The following CSMD1 variants were observed in gnomAD, a reference collection of about 807,000 sequenced individuals.
CSMD1 encodes the protein CUB and Sushi multiple domains 1, also known as CUB and sushi domain-containing protein 1.
A neutral mutation model predicts 417.5 loss-of-function variants in CSMD1; 213 were observed. That is an observed-to-expected ratio of 0.51 (90% confidence interval 0.46 to 0.57). The LOEUF is 0.57. CSMD1 is among the 20% of genes least tolerant of loss of function. The pLI is 0.00. For synonymous variants in CSMD1, 2,862 were observed against 1,736.8 expected, an observed-to-expected ratio of 1.65 and a Z score of -16.11; for missense variants, 6,923 against 4,529.7, an observed-to-expected ratio of 1.53 and a Z score of -15.17.
chr8:4,320,883 A>G (rs1265341668), intron 3 of CSMD1, among the ~76,000 whole-genome samples: 7 of 152,008 alleles, frequency 4.6e-5, no homozygotes, highest in Non-Finnish European at 7.4e-5. Context: ...AAACACACTT[A>G]TGTTTGTTTT....
intron 3 of CSMD1, 84 bp from the exon 4 acceptor site, chr8:4,032,183 T>C: frequency 1.4e-5 from 13 of 957,996 alleles, no homozygotes; most frequent in Non-Finnish European, 2.0e-5. Context: ...GACACCATTT[T>C]TGAATTATTA....
chr8:4,071,674 G>A (rs369373864), intron 3 of CSMD1, among the ~76,000 whole-genome samples: 5 of 152,066 alleles, frequency 3.3e-5, no homozygotes, highest in East Asian at 1.9e-4. Flanking sequence ...GTTGTTTCTG[G>A]AATTGTGAAT....
chr8:4,959,946 C>G (rs1255900253), intron 1 of CSMD1, among the ~76,000 whole-genome samples: 1 of 152,166 alleles, frequency 6.6e-6, no homozygotes, highest in Non-Finnish European at 1.5e-5. Flanking sequence ...ATAACACTTA[C>G]TCTCCTTAAA....
At chr8:4,277,972 A>G (rs901870766) in intron 3 of CSMD1, among the ~76,000 whole-genome samples, 4 of 151,420 alleles carry the variant, frequency 2.6e-5, no homozygotes, top group African/African-American at 4.9e-5. Flanking sequence ...CTGGTCTTGA[A>G]CTCCTAACCT....
chr8:3,752,943 G>A (rs192168936), intron 6 of CSMD1, among the ~76,000 whole-genome samples: 2 of 152,270 alleles, frequency 1.3e-5, no homozygotes, highest in Admixed American at 1.3e-4. Context: ...AGACCAGTTT[G>A]TTGAAAAATT....
At chr8:4,003,337 G>A (rs1182632455) in intron 4 of CSMD1, among the ~76,000 whole-genome samples, 3 of 152,054 alleles carry the variant, frequency 2.0e-5, no homozygotes, top group Non-Finnish European at 4.4e-5. Context: ...AGCTTGCAGT[G>A]AGCAGAGATT....
rs1387408933 is a variant in CSMD1, at chr8:3,884,107, G to C, written c.818+113796C>G. The stretch of plus-strand genomic sequence containing the variant: ...ATAAAGGTAAACAGCGAATTGAAAA[G>C]TAATTAACAATGTCAGTTTCGAATT... On this transcript the variant is annotated intron_variant, in intron 5 of 69. Coordinates refer to ENST00000635120, the MANE Select transcript of CSMD1 (RefSeq NM_033225.6). Among the ~76,000 whole-genome samples the C allele has an allele frequency of 3.3e-5, 5 of 152,226 alleles. No homozygotes were observed. In the East Asian group the frequency reaches 9.6e-4, roughly 29 times the overall value.
At chr8:4,217,192 C>A (rs942089457) in intron 3 of CSMD1, among the ~76,000 whole-genome samples, 1 of 152,114 alleles carries the variant, frequency 6.6e-6, no homozygotes, top group African/African-American at 2.4e-5. Flanking sequence ...GCTTATCATG[C>A]AAAGTTATAG....
chr8:3,352,003 T>G (rs1452953291), intron 21 of CSMD1, among the ~76,000 whole-genome samples: 1 of 152,170 alleles, frequency 6.6e-6, no homozygotes, highest in African/African-American at 2.4e-5. Context: ...TCACCTTTTT[T>G]TTCGGATTTT....
intron 49 of CSMD1, among the ~76,000 whole-genome samples, chr8:3,068,646 G>A (rs116966888): frequency 6.6e-6 from 1 of 152,238 alleles, no homozygotes; most frequent in African/African-American, 2.4e-5. Context: ...TTTCAAACAT[G>A]GCAGAAGGCC....
At chr8:3,338,960 T>C (rs1807460488) in intron 23 of CSMD1, among the ~76,000 whole-genome samples, 3 of 151,118 alleles carry the variant, frequency 2.0e-5, no homozygotes, top group Non-Finnish European at 3.0e-5. Context: ...GCATTACGTA[T>C]ATCTCCCGAT....
intron 3 of CSMD1, among the ~76,000 whole-genome samples, chr8:4,128,363 T>C (rs17069064): frequency 0.022 from 3,361 of 152,290 alleles, 132 homozygotes; most frequent in African/African-American, 0.075. Flanking sequence ...TAAAAACTTA[T>C]GTGGATGGTA....
chr8:3,402,452 G>A (rs571767019), intron 15 of CSMD1, among the ~76,000 whole-genome samples: 14 of 152,188 alleles, frequency 9.2e-5, no homozygotes, highest in South Asian at 4.1e-4. Flanking sequence ...TGATGCCACT[G>A]AGCTGCATTG....
intron 2 of CSMD1, among the ~76,000 whole-genome samples, chr8:4,512,931 T>C (rs1802905358): frequency 1.3e-5 from 2 of 152,096 alleles, no homozygotes; most frequent in South Asian, 4.1e-4. Context: ...TGATTCCAAC[T>C]GTGTAATATT....
At chr8:3,557,665 C>T (rs534432504) in intron 10 of CSMD1, among the ~76,000 whole-genome samples, 2 of 152,262 alleles carry the variant, frequency 1.3e-5, no homozygotes, top group Non-Finnish European at 2.9e-5. Flanking sequence ...ATGCTTGGAG[C>T]ATGGAGATAA....
chr8:4,915,960 A>T (rs909349105), intron 1 of CSMD1, among the ~76,000 whole-genome samples: 1 of 152,202 alleles, frequency 6.6e-6, no homozygotes, highest in African/African-American at 2.4e-5. Context: ...CCACAGGAAC[A>T]TCTTCTCTTC....
rs145077009 is a variant in CSMD1 at position 4,913,367 on chromosome 8, G to A, written c.85+80965C>T. 2.3e-4 allele frequency among the ~76,000 whole-genome samples: 35 copies of A among 152,148 alleles called. 1 individual carries two copies. The highest frequency in any genetic ancestry group is 1.6e-3 in the Admixed American group (25 of 15,280). On this transcript the variant is annotated intron_variant, in intron 1 of 69. Coordinates refer to ENST00000635120, the MANE Select transcript of CSMD1 (RefSeq NM_033225.6). ...CTCTGTCCCTTAAAATGTTTCTGGC[G>A]GGGGACCATTGCTTTTTCTTGATTG... is the stretch of plus-strand genomic sequence containing the variant.
At chr8:4,074,375 C>T (rs1289741249) in intron 3 of CSMD1, among the ~76,000 whole-genome samples, 1 of 151,996 alleles carries the variant, frequency 6.6e-6, no homozygotes, top group Non-Finnish European at 1.5e-5. Flanking sequence ...TAAATGATAG[C>T]AGTATTTTCA....
Position 3,168,940 on chromosome 8 carries a change from G to A in CSMD1, c.5726-6663C>T, listed in dbSNP as rs575262379. ...AATGTTCTCTCTCTCTCTCTCTCAG[G>A]GGCTCACAAATTATATTAGCATTTT... On this transcript the variant is annotated intron_variant, in intron 37 of 69. Coordinates refer to ENST00000635120, the MANE Select transcript of CSMD1 (RefSeq NM_033225.6). Among the ~76,000 whole-genome samples, 56 of 151,914 alleles carry A rather than the reference G, an allele frequency of 3.7e-4. No individual in the cohort carries two copies. In the South Asian group the frequency reaches 0.01, roughly 28 times the overall value.
Sources: gnomAD v4.1 joint callset for allele counts (sites outside exome capture counted in the v4.1 genomes callset) on GRCh38, gnomAD v4.1.1 for gene constraint, MANE v1.5 for transcripts, NCBI Gene and HGNC (gene_info 2026-07-23, HGNC 2026-07-21) for gene names.